GAS2: variants seen among roughly 807,000 people sequenced by gnomAD.
GAS2 encodes the protein growth arrest-specific protein 2.
In GAS2, 20 loss-of-function variants were observed where a neutral mutation model predicts 37.5. The observed-to-expected ratio is 0.53, with a 90% CI of 0.37 to 0.77. The LOEUF (loss-of-function observed/expected upper bound fraction) is 0.77. Ranked by LOEUF, GAS2 falls within the 30% of genes least tolerant of loss-of-function variation. GAS2 has a pLI of 0.00. For missense variants in GAS2, 336 were observed against 373.4 expected, an observed-to-expected ratio of 0.90 and a Z score of 0.82; for synonymous variants, 144 against 132.2, an observed-to-expected ratio of 1.09 and a Z score of -0.61.
Position 22,674,818 on chromosome 11 carries a change from A to G in GAS2, c.-20-32A>G, listed in dbSNP as rs377124784. ...AACATTTTGTGAGAGAAGTCTGTAT[A>G]AAAAGCAATTGCTCTTTTGTTTCCA... is the stretch of plus-strand genomic sequence containing the variant. On this transcript the variant is annotated intron_variant, in intron 1 of 7. Coordinates refer to ENST00000454584, the MANE Select transcript of GAS2 (RefSeq NM_001143830.3). 5 of 1,519,916 alleles carry G rather than the reference A, an allele frequency of 3.3e-6. No individual in the cohort carries two copies. The African/African-American group carries it at 5.6e-5, about 17-fold the overall frequency. The allele number at this position is 1,519,916 out of a possible 1,614,324, so 94.2% of individuals were successfully genotyped here.
chr11:22,756,551 A>G lies in GAS2; in HGVS notation c.723+598A>G, dbSNP rs149482476. On this transcript the variant is annotated intron_variant, in intron 7 of 7. Coordinates refer to ENST00000454584, the MANE Select transcript of GAS2 (RefSeq NM_001143830.3). ...TAGTCTCACAATACTCAAATCTGCA[A>G]TGACTCTGTTGAAATTTTGCCCTTG... 1.4e-4 allele frequency among the ~76,000 whole-genome samples: 22 copies of G among 152,156 alleles called. No individual in the cohort carries two copies. The South Asian group carries it at 2.7e-3, about 19-fold the overall frequency.
intron 5 of GAS2, among the ~76,000 whole-genome samples, chr11:22,738,327 A>G (rs1259020704): frequency 6.6e-6 from 1 of 152,130 alleles, no homozygotes; most frequent in Non-Finnish European, 1.5e-5. Context: ...TTTTTTCTGT[A>G]GGAAGGAAAA....
intron 3 of GAS2, among the ~76,000 whole-genome samples, chr11:22,695,136 A>G (rs1367659017): frequency 6.6e-6 from 1 of 152,062 alleles, no homozygotes; most frequent in Non-Finnish European, 1.5e-5. Flanking sequence ...CCTGGCCAAC[A>G]TGGTAAAACG....
intron 7 of GAS2, among the ~76,000 whole-genome samples, chr11:22,774,811 G>A (rs956906670): frequency 6.6e-6 from 1 of 151,892 alleles, no homozygotes. Context: ...CAAGAGTCAA[G>A]AAAGGGTATC....
intron 5 of GAS2, among the ~76,000 whole-genome samples, chr11:22,742,925 A>G (rs1412248207): frequency 6.6e-6 from 1 of 152,078 alleles, no homozygotes; most frequent in Non-Finnish European, 1.5e-5. Flanking sequence ...GATATTTTTC[A>G]CTTATGGATG....
chr11:22,632,918 C>A (rs1256615921), intron 1 of GAS2, among the ~76,000 whole-genome samples: 1 of 149,746 alleles, frequency 6.7e-6, no homozygotes, highest in Admixed American at 6.6e-5. Context: ...TTTTTTTTTT[C>A]TTTAAAATAT....
intron 7 of GAS2, among the ~76,000 whole-genome samples, chr11:22,801,617 T>G (rs1432058559): frequency 1.3e-5 from 2 of 152,102 alleles, no homozygotes; most frequent in Admixed American, 6.6e-5. Context: ...GCATTCATTA[T>G]TAGGAAAATA....
At chr11:22,810,978 AGG>A (rs1458727971) in intron 7 of GAS2, among the ~76,000 whole-genome samples, 1 of 152,214 alleles carries the variant, frequency 6.6e-6, no homozygotes, top group East Asian at 1.9e-4. Flanking sequence ...GGGAGTCAGC[AGG>A]GTCTTTGATG....
upstream of GAS2, among the ~76,000 whole-genome samples, chr11:22,662,320 G>A (rs535241423): frequency 1.3e-5 from 2 of 152,256 alleles, no homozygotes; most frequent in South Asian, 4.1e-4. Context: ...ACTATCATTT[G>A]TAATGTTATT....
At chr11:22,689,575 T>A (rs337474) in intron 3 of GAS2, among the ~76,000 whole-genome samples, 58,258 of 152,052 alleles carry the variant, frequency 0.38, 11,753 homozygotes, top group African/African-American at 0.52. Flanking sequence ...TGGCTACTAT[T>A]GTTCATAAAT....
intron 5 of GAS2, among the ~76,000 whole-genome samples, 189 bp from the exon 6 acceptor site, chr11:22,748,931 G>T (rs535352775): frequency 6.6e-6 from 1 of 152,030 alleles, no homozygotes; most frequent in East Asian, 1.9e-4. Flanking sequence ...TACACAGCAG[G>T]TATACATGTT....
chr11:22,683,369 C>T (rs887050583), intron 2 of GAS2, among the ~76,000 whole-genome samples: 16 of 152,010 alleles, frequency 1.1e-4, no homozygotes, highest in Non-Finnish European at 2.2e-4. Flanking sequence ...AGGTTCAAGC[C>T]ACTCTCCTGC....
chr11:22,686,458 G>A (rs1023787686), intron 3 of GAS2, among the ~76,000 whole-genome samples: 1 of 150,690 alleles, frequency 6.6e-6, no homozygotes, highest in Admixed American at 6.6e-5. Flanking sequence ...GCTCATGCCT[G>A]TAATCCCAGT....
intron 5 of GAS2, among the ~76,000 whole-genome samples, chr11:22,746,997 G>C (rs1853442871): frequency 6.6e-6 from 1 of 152,126 alleles, no homozygotes; most frequent in Non-Finnish European, 1.5e-5. Context: ...ATGCTGTCTA[G>C]AATTCAGCAT....
intron 7 of GAS2, among the ~76,000 whole-genome samples, chr11:22,764,323 G>A (rs149117619): frequency 0.012 from 1,844 of 152,198 alleles, 45 homozygotes; most frequent in African/African-American, 0.042. Flanking sequence ...CACTTTGGGA[G>A]GCCGAGGCGG....
chr11:22,629,561 T>A (rs1858716536), intron 1 of GAS2, among the ~76,000 whole-genome samples: 1 of 152,142 alleles, frequency 6.6e-6, no homozygotes, highest in Non-Finnish European at 1.5e-5. Flanking sequence ...TAATTAGGGA[T>A]GTTGAGTATT....
intron 7 of GAS2, among the ~76,000 whole-genome samples, chr11:22,784,337 G>T (rs548142101): frequency 1.3e-5 from 2 of 152,118 alleles, no homozygotes; most frequent in African/African-American, 2.4e-5. Flanking sequence ...CTATGAGAAG[G>T]AAAGCTTTGG....
At chr11:22,806,587 T>G (rs1483042834) in intron 7 of GAS2, among the ~76,000 whole-genome samples, 1 of 152,208 alleles carries the variant, frequency 6.6e-6, no homozygotes, top group East Asian at 1.9e-4. Flanking sequence ...AAAGGTTCCC[T>G]TTTCTCCACA....
At chr11:22,720,496 T>C (rs559007597) in intron 3 of GAS2, among the ~76,000 whole-genome samples, 1 of 152,222 alleles carries the variant, frequency 6.6e-6, no homozygotes, top group African/African-American at 2.4e-5. Flanking sequence ...GATACCTTGA[T>C]ACTATGAATG....
Sources: gnomAD v4.1 joint callset for allele counts (sites outside exome capture counted in the v4.1 genomes callset) on GRCh38, gnomAD v4.1.1 for gene constraint, MANE v1.5 for transcripts, NCBI Gene and HGNC (gene_info 2026-07-23, HGNC 2026-07-21) for gene names.